HUWE1: variants seen among roughly 807,000 people sequenced by gnomAD.
HUWE1 encodes E3 ubiquitin-protein ligase HUWE1.
In HUWE1, 18 loss-of-function variants were observed where a neutral mutation model predicts 299.4. The observed-to-expected ratio is 0.06, with a 90% CI of 0.04 to 0.09. HUWE1 has a LOEUF of 0.09. HUWE1 is among the 10% of genes least tolerant of loss of function. The pLI is 1.00. For missense variants in HUWE1, 1,832 were observed against 3,462.3 expected (o/e 0.53, Z 11.82); for synonymous variants, 1,317 against 1,286.1 (o/e 1.02, Z -0.51).
At chrX:53,584,455 GCAATTTATCCCACCTTTAT>G (rs1185422485) in intron 40 of HUWE1, 110 bp from the exon 41 acceptor site, 9 of 634,266 alleles carry the variant, frequency 1.4e-5, no homozygotes, top group Non-Finnish European at 1.7e-5. Context: ...AGGAACTCTG[GCAATTTATCCCACCTTTAT>G]CATTTACAGA....
At chrX:53,547,055 A>T (rs2061566963) in intron 68 of HUWE1, among the ~76,000 whole-genome samples, 1 of 112,323 alleles carries the variant, frequency 8.9e-6, no homozygotes, top group South Asian at 3.7e-4. Flanking sequence ...ATGCAGTGGC[A>T]CAATCACGTC....
chrX:53,569,518 A>G, intron 48 of HUWE1, 98 bp downstream of exon 48: 2 of 779,241 alleles, frequency 2.6e-6, no homozygotes, highest in East Asian at 6.3e-5. Flanking sequence ...TGCCAGTATG[A>G]CAAGAAGTTT....
At chrX:53,680,220 T>G (rs1259200253) in intron 2 of HUWE1, 34 bp from the exon 3 acceptor site, 4 of 293,363 alleles carry the variant, frequency 1.4e-5, no homozygotes, top group Admixed American at 6.2e-5. Context: ...AGGAGTGAGA[T>G]ACACAACACA....
At chrX:53,590,214 C>T (rs2064085465) in intron 35 of HUWE1, among the ~76,000 whole-genome samples, 190 bp downstream of exon 35, 1 of 112,136 alleles carries the variant, frequency 8.9e-6, no homozygotes, top group Non-Finnish European at 1.9e-5. Flanking sequence ...GCTTCATATG[C>T]CTCCCTTAAA....
chrX:53,538,082 G>C (rs1268509378), intron 77 of HUWE1, among the ~76,000 whole-genome samples: 1 of 111,725 alleles, frequency 9.0e-6, no homozygotes. Flanking sequence ...GGATGGAACA[G>C]AACTTTAGAA....
intron 51 of HUWE1, 92 bp downstream of exon 51, chrX:53,564,482 C>G: frequency 9.7e-7 from 1 of 1,034,920 alleles, no homozygotes; most frequent in Non-Finnish European, 1.3e-6. Flanking sequence ...AGCATTGAGG[C>G]AAGGATCTAA....
At chrX:53,577,179 G>A (rs1220915693) in intron 43 of HUWE1, 112 bp from the exon 44 acceptor site, 9 of 572,468 alleles carry the variant, frequency 1.6e-5, no homozygotes, top group Non-Finnish European at 2.7e-5. Context: ...TGAGATAGGA[G>A]ACCATTTTCA....
rs1556977725 is a variant in HUWE1 at position 53,590,408 on chromosome X, G to A, written c.4187C>T (p.Pro1396Leu). 4 of 1,182,521 alleles carry A rather than the reference G, an allele frequency of 3.4e-6. No individual in the cohort carries two copies. The highest frequency in any genetic ancestry group is 4.6e-6 in the Non-Finnish European group (4 of 869,826). The change falls in exon 35 of 84, where the codon CCT (proline) becomes CTT (leucine). Residue 1396 changes from proline (P) to leucine (L), a missense_variant. Physicochemically the swap from Pro to Leu is moderately conservative, Grantham distance 98. Around this residue, in one of 15 missense-constraint regions of HUWE1, gnomAD observed 658 missense variants for 1,282.6 expected, o/e 0.51. Transcript: ENST00000262854. ...GATGCAGTGTTCCATAGTTACCTCA[G>A]GTGACTCTGCCCTTTGATCCATTGG... ...DIPMDQRAES[P>L]EEVACRKEEE...
In HUWE1 at chrX:53,549,180, G is replaced by C; in HGVS notation, c.9814C>G (p.Leu3272Val). 1 of 1,212,000 alleles carries C rather than the reference G, an allele frequency of 8.3e-7. No homozygotes were observed. The highest frequency in any genetic ancestry group is 1.1e-6 in the Non-Finnish European group (1 of 895,400). ...GAGCTCTTTGACTCCATCTTGTGTA[G>C]CAGGTCCAGGGGACGGTTCTCATGG... ...SSHENRPLDLLHKMESKSSNQ... is the reference protein window; with the variant it reads ...SSHENRPLDLVHKMESKSSNQ... The change falls in exon 67 of 84, where the codon CTA becomes GTA. Residue 3272 changes from leucine to valine, a missense_variant. Transcript: ENST00000262854.
chrX:53,625,841 GGGGCCGGGGCCA>G (rs782399689), intron 17 of HUWE1: 42 of 132,345 alleles, frequency 3.2e-4, no homozygotes, highest in African/African-American at 5.8e-4. Flanking sequence ...GACCGGGGCC[GGGGCCGGGGCCA>G]GGGCCGGGGC....
At chrX:53,594,700 A>G in intron 30 of HUWE1, 79 bp from the exon 31 acceptor site, 1 of 1,054,643 alleles carries the variant, frequency 9.5e-7, no homozygotes, top group East Asian at 3.2e-5. Context: ...TGTAAAAGGC[A>G]AGAGTAAAAT....
intron 79 of HUWE1, 44 bp downstream of exon 79, chrX:53,536,336 C>A (rs2061065322): frequency 8.4e-7 from 1 of 1,186,852 alleles, no homozygotes; most frequent in African/African-American, 1.8e-5. Context: ...AAAGACCAGA[C>A]CCCCAGGACT....
chrX:53,579,905 C>A (rs2063524161), intron 43 of HUWE1: 1 of 96,207 alleles, frequency 1.0e-5, no homozygotes, highest in Admixed American at 1.1e-4. Context: ...TATGACCCTG[C>A]CAAATCCCCC....
chrX:53,560,525 C>T (rs1319522497), intron 55 of HUWE1, 109 bp from the exon 56 acceptor site: 1 of 648,232 alleles, frequency 1.5e-6, no homozygotes, highest in African/African-American at 2.2e-5. Flanking sequence ...GAAACCTGAG[C>T]TTTGTCCTTT....
intron 43 of HUWE1, among the ~76,000 whole-genome samples, chrX:53,577,690 C>CG (rs2063212217): frequency 9.7e-6 from 1 of 102,887 alleles, no homozygotes; most frequent in Non-Finnish European, 2.1e-5. Context: ...GACTGGTTTT[C>CG]GTTTTTTTTT....
At chrX:53,602,918 T>C (rs956857885) in intron 27 of HUWE1, among the ~76,000 whole-genome samples, 9 of 107,262 alleles carry the variant, frequency 8.4e-5, no homozygotes, top group African/African-American at 3.1e-4. Flanking sequence ...TGGCATGATC[T>C]TGGGCTCACT....
At chrX:53,564,435 A>G in intron 51 of HUWE1, 139 bp downstream of exon 51, 1 of 679,182 alleles carries the variant, frequency 1.5e-6, no homozygotes, top group Non-Finnish European at 2.3e-6. Flanking sequence ...CTGAGCATCT[A>G]CTAAGCATAT....
intron 7 of HUWE1, among the ~76,000 whole-genome samples, chrX:53,645,065 A>C (rs902548670): frequency 2.7e-5 from 3 of 112,366 alleles, no homozygotes; most frequent in Admixed American, 9.4e-5. Flanking sequence ...TCCTTTCAGA[A>C]GTGAAATTGC....
chrX:53,570,697 C>T (rs782431662), intron 47 of HUWE1, among the ~76,000 whole-genome samples: 2 of 112,419 alleles, frequency 1.8e-5, no homozygotes, highest in African/African-American at 6.4e-5. Flanking sequence ...CTAGACAATT[C>T]CTTATCTTAG....
Sources: allele counts gnomAD v4.1 joint callset (sites outside exome capture counted in the v4.1 genomes callset), GRCh38; gene constraint gnomAD v4.1.1; regional missense constraint gnomAD v4.1.1; transcripts MANE v1.5; gene names NCBI Gene and HGNC (gene_info 2026-07-23, HGNC 2026-07-21).